The following ZNF723 variants were observed in gnomAD, a reference collection of about 807,000 sequenced individuals.
The protein encoded by ZNF723 is zinc finger protein 723, pseudogene.
In ZNF723, 5 loss-of-function variants were observed where a neutral mutation model predicts 9.4. The observed-to-expected ratio is 0.53, with a 90% CI of 0.28 to 1.12. ZNF723 has a LOEUF of 1.12. ZNF723 is among the 50% of genes most tolerant of loss of function. The probability of loss-of-function intolerance (pLI) is 0.10; values close to 1 mark genes in which losing one functional copy is unlikely to be tolerated. For synonymous variants in ZNF723, 158 were observed against 168.8 expected, an observed-to-expected ratio of 0.94 and a Z score of 0.49; for missense variants, 450 against 501.5, an observed-to-expected ratio of 0.90 and a Z score of 0.98.
At chr19:22,818,935 G>A in the ZNF723 span, among the ~76,000 whole-genome samples, 2 of 152,168 alleles carry the variant, frequency 1.3e-5, no homozygotes, top group South Asian at 4.1e-4. Flanking sequence ...TGCCTACAGA[G>A]GGAATTGTGA....
upstream of ZNF723, among the ~76,000 whole-genome samples, chr19:22,831,278 C>T (rs1308774088): frequency 1.3e-5 from 2 of 152,166 alleles, no homozygotes; most frequent in East Asian, 3.9e-4. Context: ...TGGCAATGGC[C>T]GGGTGCAGTG....
At chr19:22,826,341 C>T in the ZNF723 span, among the ~76,000 whole-genome samples, 1 of 152,072 alleles carries the variant, frequency 6.6e-6, no homozygotes, top group African/African-American at 2.4e-5. Flanking sequence ...ACTCTTGTAC[C>T]TGGACTCAGC....
intron 1 of ZNF723, among the ~76,000 whole-genome samples, chr19:22,835,069 G>GT (rs57260930): frequency 2.1e-5 from 3 of 139,696 alleles, no homozygotes; most frequent in African/African-American, 5.3e-5. Context: ...TTTGTTGGTT[G>GT]TTTTTTTTTT....
intron 1 of ZNF723, among the ~76,000 whole-genome samples, chr19:22,844,859 T>C (rs954820848): frequency 1.3e-5 from 2 of 152,198 alleles, no homozygotes; most frequent in Non-Finnish European, 2.9e-5. Context: ...TGGTGGCTCA[T>C]GCCTGTAATC....
the ZNF723 span, among the ~76,000 whole-genome samples, chr19:22,825,143 G>T: frequency 6.6e-6 from 1 of 152,156 alleles, no homozygotes; most frequent in African/African-American, 2.4e-5. Flanking sequence ...AGAGGCAATC[G>T]AAAGTTAAAA....
At chr19:22,847,677 T>C (rs1967332147) in intron 1 of ZNF723, among the ~76,000 whole-genome samples, 1 of 152,222 alleles carries the variant, frequency 6.6e-6, no homozygotes, top group South Asian at 2.1e-4. Flanking sequence ...AAAATATACA[T>C]GCTTGTGTTA....
the ZNF723 span, among the ~76,000 whole-genome samples, chr19:22,812,269 C>A: frequency 6.6e-6 from 1 of 152,254 alleles, no homozygotes; most frequent in East Asian, 1.9e-4. Flanking sequence ...CCTCACCCGG[C>A]CAACATGACA....
chr19:22,830,913 C>T (rs1416413928), upstream of ZNF723, among the ~76,000 whole-genome samples: 2 of 152,080 alleles, frequency 1.3e-5, no homozygotes, highest in South Asian at 4.2e-4. Context: ...TAGGTGCGCA[C>T]CACCATGTCC....
rs186070696 is a variant in ZNF723 at position 22,842,549 on chromosome 19, A to G, written c.4-5712A>G. 7.1e-3 allele frequency among the ~76,000 whole-genome samples: 1,081 copies of G among 152,272 alleles called. 5 individuals carry two copies. The highest frequency in any genetic ancestry group is 0.012 in the Non-Finnish European group (793 of 68,022). On this transcript the variant is annotated intron_variant, in intron 1 of 3. Coordinates refer to ENST00000600766, the MANE Select transcript of ZNF723 (RefSeq NM_001349726.2). The stretch of plus-strand genomic sequence containing the variant: ...GATCAACTTGTAACTGCTCCTAATC[A>G]AAGTGTAGATGACAGGCAACTTGAA...
At chr19:22,821,875 A>G in the ZNF723 span, among the ~76,000 whole-genome samples, 1 of 152,128 alleles carries the variant, frequency 6.6e-6, no homozygotes, top group Admixed American at 6.6e-5. Context: ...CTGGGGGGCC[A>G]AGGCGGGTGG....
chr19:22,854,828 A>G (rs1967450414), intron 3 of ZNF723, among the ~76,000 whole-genome samples: 1 of 152,126 alleles, frequency 6.6e-6, no homozygotes, highest in South Asian at 2.1e-4. Context: ...TGGACAGATC[A>G]CTTGAGGTCG....
intron 1 of ZNF723, among the ~76,000 whole-genome samples, chr19:22,837,263 C>T (rs552437638): frequency 2.5e-3 from 352 of 139,818 alleles, no homozygotes; most frequent in African/African-American, 9.2e-3. Context: ...GGCTACAGAG[C>T]GAGACTCTGG....
the ZNF723 span, among the ~76,000 whole-genome samples, chr19:22,824,977 A>G: frequency 6.6e-6 from 1 of 152,278 alleles, no homozygotes; most frequent in South Asian, 2.1e-4. Context: ...ACTCTCAGGA[A>G]TATTATACAA....
upstream of ZNF723, among the ~76,000 whole-genome samples, chr19:22,828,524 G>T (rs904326250): frequency 6.6e-6 from 1 of 151,794 alleles, no homozygotes; most frequent in Non-Finnish European, 1.5e-5. Context: ...TTGGTGGCGC[G>T]TGCCTGTAAT....
intron 3 of ZNF723, among the ~76,000 whole-genome samples, chr19:22,851,353 G>A (rs550279245): frequency 1.4e-4 from 22 of 152,060 alleles, no homozygotes; most frequent in Admixed American, 2.6e-4. Context: ...TCTATTTTTA[G>A]TAGAGACGGG....
At chr19:22,842,868 T>G (rs1029382718) in intron 1 of ZNF723, among the ~76,000 whole-genome samples, 34 of 152,332 alleles carry the variant, frequency 2.2e-4, no homozygotes, top group African/African-American at 8.2e-4. Context: ...AGACATTTTA[T>G]GCATTGTCAG....
At chr19:22,838,595 A>G (rs1005990122) in intron 1 of ZNF723, among the ~76,000 whole-genome samples, 1 of 151,916 alleles carries the variant, frequency 6.6e-6, no homozygotes, top group Non-Finnish European at 1.5e-5. Context: ...GTCTTTCAGC[A>G]TTAGTTTTCT....
upstream of ZNF723, among the ~76,000 whole-genome samples, chr19:22,829,840 A>C (rs976083872): frequency 1.3e-5 from 2 of 152,188 alleles, no homozygotes; most frequent in Non-Finnish European, 2.9e-5. Context: ...AACTGTTCAA[A>C]TCACGTTCAA....
At chr19:22,814,024 C>A in the ZNF723 span, among the ~76,000 whole-genome samples, 1 of 151,818 alleles carries the variant, frequency 6.6e-6, no homozygotes, top group Non-Finnish European at 1.5e-5. Flanking sequence ...GTTGGCCAGT[C>A]TGGTCTTGTG....
Sources: gnomAD v4.1 joint callset for allele counts (sites outside exome capture counted in the v4.1 genomes callset) on GRCh38, gnomAD v4.1.1 for gene constraint, MANE v1.5 for transcripts, NCBI Gene and HGNC (gene_info 2026-07-23, HGNC 2026-07-21) for gene names.